TFDP2: variants seen among roughly 807,000 people sequenced by gnomAD.
TFDP2 encodes transcription factor Dp-2 (E2F dimerization partner 2).
Under a neutral mutation model 59.3 loss-of-function variants are expected in TFDP2, and 17 were observed. The observed-to-expected ratio is 0.29, with a 90% CI of 0.20 to 0.43. TFDP2 has a LOEUF of 0.43. TFDP2 is among the 20% of genes least tolerant of loss of function. The pLI is 1.00. For missense variants in TFDP2, 391 were observed against 528.8 expected (o/e 0.74, Z 2.56); for synonymous variants, 180 against 194.7 (o/e 0.92, Z 0.63).
intron 3 of TFDP2, among the ~76,000 whole-genome samples, chr3:142,057,420 C>A (rs1404274979): frequency 6.6e-6 from 1 of 152,176 alleles, no homozygotes; most frequent in Non-Finnish European, 1.5e-5. Flanking sequence ...TGGTTCTTAG[C>A]TCGATTTCAT....
In TFDP2 at chr3:142,149,336, A is replaced by G; in HGVS notation, c.-246T>C. 2.5e-6 allele frequency: 1 copy of G among 393,264 alleles called. No individual in the cohort carries two copies. The highest frequency in any genetic ancestry group is 4.5e-6 in the Non-Finnish European group (1 of 222,940). The allele number at this position is 393,264 out of a possible 1,614,324, so 24.4% of individuals were successfully genotyped here. A position where few individuals can be genotyped will look rare whatever the true frequency, so the allele number is the denominator to read the frequency against. On this transcript the variant is annotated 5_prime_UTR_variant, in exon 1 of 13. Transcript: ENST00000489671. ...CCGGGGAGACGCGGCCTGCCCGGTC[A>G]AGGCCCAGGAGTTTGAGGCCCCAGA...
chr3:141,969,273 GATAT>G (rs36189919), intron 9 of TFDP2, among the ~76,000 whole-genome samples: 16 of 106,268 alleles, frequency 1.5e-4, no homozygotes, highest in Admixed American at 1.3e-3. Flanking sequence ...ATATATATGA[GATAT>G]ATATATATAT....
intron 3 of TFDP2, among the ~76,000 whole-genome samples, chr3:142,014,191 T>C (rs1944943549): frequency 6.6e-6 from 1 of 152,232 alleles, no homozygotes; most frequent in African/African-American, 2.4e-5. Context: ...TCATTCAGCC[T>C]GGAGAGCAGT....
chr3:142,011,669 C>T lies in TFDP2; in HGVS notation c.83-6125G>A, dbSNP rs1451762879. 2.2e-5 allele frequency among the ~76,000 whole-genome samples: 3 copies of T among 133,950 alleles called. No individual in the cohort carries two copies. In the East Asian group the frequency reaches 6.8e-4, roughly 30 times the overall value. 87.9% of individuals were successfully genotyped at this position (133,950 alleles called of 152,430 possible). ...ACAACAAACTTTTTTAAAAAGGAAA[C>T]CTTTTTGCATACTAGACTGATAAAA... On this transcript the variant is annotated intron_variant, in intron 3 of 12. Coordinates refer to ENST00000489671, the MANE Select transcript of TFDP2 (RefSeq NM_001178139.2).
chr3:141,948,374 T>C lies in TFDP2; in HGVS notation c.*4139A>G, dbSNP rs1377433696. Reference sequence around the variant, plus strand: ...CTGGGCAACACGGTGAAACCCTGACTCTACTAAAAATACAAAAAATTAGTC... The same window carrying C: ...CTGGGCAACACGGTGAAACCCTGACCCTACTAAAAATACAAAAAATTAGTC... On this transcript the variant is annotated 3_prime_UTR_variant, in exon 13 of 13. Transcript: ENST00000489671. 1.3e-5 allele frequency: 2 copies of C among 152,084 alleles called. No homozygotes were observed. Among genetic ancestry groups the C allele is most frequent in the East Asian group, 1.9e-4 (1 of 5,172 alleles). The allele number at this position is 152,084 out of a possible 1,614,324, so 9.4% of individuals were successfully genotyped here.
chr3:142,020,767 T>C (rs892443634), intron 3 of TFDP2, among the ~76,000 whole-genome samples: 2 of 151,662 alleles, frequency 1.3e-5, no homozygotes, highest in African/African-American at 4.8e-5. Flanking sequence ...GAGGATTGCT[T>C]GAGTCCAGGA....
Position 141,969,278 on chromosome 3 carries a change from A to G in TFDP2, c.732+795T>C, listed in dbSNP as rs36151043. Among the ~76,000 whole-genome samples, 366 of 109,296 alleles carry G rather than the reference A, an allele frequency of 3.3e-3. 10 individuals carry two copies. The highest frequency in any genetic ancestry group is 9.4e-3 in the Middle Eastern group (2 of 212). 71.7% of individuals were successfully genotyped at this position (109,296 alleles called of 152,430 possible). On this transcript the variant is annotated intron_variant, in intron 9 of 12. Transcript: ENST00000489671. ...TATATATCTCATATATATGAGATAT[A>G]TATATATATAACCGGCCTAAATTTT...
intron 3 of TFDP2, among the ~76,000 whole-genome samples, chr3:142,037,633 T>A (rs2108435067): frequency 6.6e-6 from 1 of 152,184 alleles, no homozygotes; most frequent in South Asian, 2.1e-4. Context: ...AATGGTTTTG[T>A]GGGGGGAAAA....
At chr3:142,029,894 T>A (rs984007211) in intron 3 of TFDP2, among the ~76,000 whole-genome samples, 1 of 152,240 alleles carries the variant, frequency 6.6e-6, no homozygotes, top group Non-Finnish European at 1.5e-5. Flanking sequence ...GTGAGCTTAG[T>A]TTATTTCAGT....
intron 3 of TFDP2, among the ~76,000 whole-genome samples, chr3:142,087,325 T>C (rs2060834315): frequency 6.6e-6 from 1 of 152,144 alleles, no homozygotes; most frequent in South Asian, 2.1e-4. Flanking sequence ...CTGAATACTG[T>C]AGGCAACTGT....
intron 6 of TFDP2, among the ~76,000 whole-genome samples, chr3:141,983,155 A>C (rs750061502): frequency 3.9e-5 from 6 of 152,334 alleles, no homozygotes; most frequent in Non-Finnish European, 8.8e-5. Flanking sequence ...AATTAACATC[A>C]ACATTAAAAT....
intron 3 of TFDP2, among the ~76,000 whole-genome samples, chr3:142,088,146 A>C (rs945051194): frequency 6.6e-6 from 1 of 151,570 alleles, no homozygotes; most frequent in African/African-American, 2.4e-5. Flanking sequence ...CCTGGCACAT[A>C]GTAAGTAAGT....
At chr3:142,106,082 T>G (rs79309321) in intron 1 of TFDP2, among the ~76,000 whole-genome samples, 3,753 of 147,536 alleles carry the variant, frequency 0.025, 70 homozygotes, top group Non-Finnish European at 0.036. Context: ...TAAACCCAAT[T>G]TCAAAATAGA....
At chr3:142,123,744 GA>G in intron 1 of TFDP2, among the ~76,000 whole-genome samples, 1 of 152,184 alleles carries the variant, frequency 6.6e-6, no homozygotes, top group East Asian at 1.9e-4. Flanking sequence ...TTAAATAAAA[GA>G]AAGAAATGAT....
At chr3:142,021,517 TTA>T (rs2108357139) in intron 3 of TFDP2, among the ~76,000 whole-genome samples, 1 of 152,306 alleles carries the variant, frequency 6.6e-6, no homozygotes, top group African/African-American at 2.4e-5. Context: ...TGAATAAATC[TTA>T]TATGTCAGTC....
rs1481622337 is a variant in TFDP2, at chr3:141,993,587, T to A, written c.309-2A>T. 6.5e-7 allele frequency: 1 copy of A among 1,543,336 alleles called. No homozygotes were observed. The highest frequency in any genetic ancestry group is 1.2e-5 in the South Asian group (1 of 85,892). ...AATTTTCTAGCCCGTTTTCTATCACTAAAAAGGAAAAAAGATAGCATAAAA... is the reference window on the plus strand; with the variant it reads ...AATTTTCTAGCCCGTTTTCTATCACAAAAAAGGAAAAAAGATAGCATAAAA... On this transcript the variant is annotated splice_acceptor_variant, in intron 5 of 12. Coordinates refer to ENST00000489671, the MANE Select transcript of TFDP2 (RefSeq NM_001178139.2). LOFTEE classifies it high-confidence loss of function.
At chr3:141,990,136 T>C (rs367990853) in intron 6 of TFDP2, among the ~76,000 whole-genome samples, 15 of 152,254 alleles carry the variant, frequency 9.9e-5, no homozygotes, top group South Asian at 6.2e-4. Context: ...TCAAGTGATA[T>C]GGCCACCCTG....
intron 1 of TFDP2, among the ~76,000 whole-genome samples, chr3:142,136,360 A>C (rs928380928): frequency 6.6e-6 from 1 of 151,976 alleles, no homozygotes; most frequent in African/African-American, 2.4e-5. Context: ...ATTTTCTCCC[A>C]TTCTGTAGGT....
In TFDP2 at chr3:142,147,890, G is replaced by A. The variant is rs76663308; in HGVS notation, c.-93+1293C>T. On this transcript the variant is annotated intron_variant, in intron 1 of 12. Coordinates refer to ENST00000489671, the MANE Select transcript of TFDP2 (RefSeq NM_001178139.2). ...CATTAAAGATTAATTACAGTAATCTGATAGTGATAAAGTTTAGCTAAATAA... is the reference window on the plus strand; with the variant it reads ...CATTAAAGATTAATTACAGTAATCTAATAGTGATAAAGTTTAGCTAAATAA... Among the ~76,000 whole-genome samples the A allele has an allele frequency of 3.4e-3, 517 of 152,272 alleles. 2 individuals are homozygous for A. The highest frequency in any genetic ancestry group is 0.012 in the African/African-American group (487 of 41,546).
Sources: allele counts gnomAD v4.1 joint callset (sites outside exome capture counted in the v4.1 genomes callset), GRCh38; gene constraint gnomAD v4.1.1; transcripts MANE v1.5; gene names NCBI Gene and HGNC (gene_info 2026-07-23, HGNC 2026-07-21).